The following RBM28 variants were observed in gnomAD, a reference collection of about 807,000 sequenced individuals.
The protein encoded by RBM28 is RNA-binding protein 28.
RBM28 carries 78 observed loss-of-function variants against 98.3 expected under a neutral mutation model. That is an observed-to-expected ratio of 0.79 (90% confidence interval 0.66 to 0.96). The LOEUF (loss-of-function observed/expected upper bound fraction) is 0.96, where lower values mean the gene tolerates loss of function less well. Ranked by LOEUF, RBM28 falls within the 40% of genes least tolerant of loss-of-function variation. RBM28 has a pLI of 0.00. For missense variants in RBM28, 838 were observed against 913.0 expected (o/e 0.92, Z 1.06); for synonymous variants, 306 against 330.9 (o/e 0.92, Z 0.82).
rs945609550 is a variant in RBM28 at position 128,299,983 on chromosome 7, C to T, written c.*10814G>A. ...AAGAAATTCCTCATGAAGGAACCAA[C>T]CTTGCCAACACTTTGATTTTAGACT... On this transcript the variant is annotated 3_prime_UTR_variant, in exon 19 of 19. Coordinates refer to ENST00000223073, the MANE Select transcript of RBM28 (RefSeq NM_018077.3). 5 of 152,252 alleles carry T rather than the reference C, an allele frequency of 3.3e-5. No individual in the cohort carries two copies. Among genetic ancestry groups the T allele is most frequent in the African/African-American group, 1.2e-4 (5 of 41,462 alleles). 9.4% of individuals were successfully genotyped at this position (152,252 alleles called of 1,614,324 possible). A position where few individuals can be genotyped will look rare whatever the true frequency, so the allele number is the denominator to read the frequency against.
rs773522098 is a variant in RBM28 at position 128,321,280 on chromosome 7, C to A, written c.1549G>T (p.Val517Leu). 3 of 1,614,190 alleles carry A rather than the reference C, an allele frequency of 1.9e-6. No individual in the cohort carries two copies. The highest frequency in any genetic ancestry group is 4.5e-5 in the East Asian group (2 of 44,890). Residue 517 changes from valine (V) to leucine (L), a missense_variant, in exon 14 of 19, where the codon GTG becomes TTG. By Grantham distance (32) the Val-to-Leu change is conservative. Transcript: ENST00000223073. ...CCACGTCTCACCTCCTTGATGCGCACCCCTTTCTCTCCACTAGTAGCACTC... is the reference window on the plus strand; with the variant it reads ...CCACGTCTCACCTCCTTGATGCGCAACCCTTTCTCTCCACTAGTAGCACTC... ...LLSATSGEKG[V>L]RIKECRVMRD...
Position 128,300,069 on chromosome 7 carries a change from ACT to A in RBM28, c.*10726_*10727del, listed in dbSNP as rs1795760503. ...TTGTTTAAGCCACCCAGCCTGTGGT[ACT>A]CTCTTACAGTAGCCCTCCTGACTAA... On this transcript the variant is annotated 3_prime_UTR_variant, in exon 19 of 19. Coordinates refer to ENST00000223073, the MANE Select transcript of RBM28 (RefSeq NM_018077.3). 1 of 152,218 alleles carries A rather than the reference ACT, an allele frequency of 6.6e-6. No homozygotes were observed. Among genetic ancestry groups the A allele is most frequent in the Admixed American group, 6.5e-5 (1 of 15,286 alleles). 9.4% of individuals were successfully genotyped at this position (152,218 alleles called of 1,614,324 possible). A position where few individuals can be genotyped will look rare whatever the true frequency, so the allele number is the denominator to read the frequency against.
intron 1 of RBM28, among the ~76,000 whole-genome samples, chr7:128,341,853 C>T (rs969587744): frequency 5.9e-5 from 9 of 152,190 alleles, no homozygotes; most frequent in Non-Finnish European, 1.0e-4. Flanking sequence ...CATATATGGA[C>T]GTACTCCTAT....
chr7:128,314,928 G>A lies in RBM28; in HGVS notation c.1881C>T (p.His627=), dbSNP rs1796074369. ...GGGGCACCTTGCTTTGTTCCTCTGT[G>A]TGGTGTTGAGCTGCCTTCTGTTGCT... is the stretch of plus-strand genomic sequence containing the variant. ...KDQQQKAAQH[H]TEEQSKVPPE... is the part of the protein sequence containing the mutation. Residue 627 remains histidine (H), a synonymous_variant, in exon 17 of 19, where the codon CAC becomes CAT. Coordinates refer to ENST00000223073, the MANE Select transcript of RBM28 (RefSeq NM_018077.3). 1 of 1,614,068 alleles carries A rather than the reference G, an allele frequency of 6.2e-7. No homozygotes were observed. The highest frequency in any genetic ancestry group is 1.7e-5 in the Admixed American group (1 of 60,006).
At chr7:128,335,440 T>C (rs1584659719) in intron 8 of RBM28, 103 bp downstream of exon 8, 1 of 1,381,260 alleles carries the variant, frequency 7.2e-7, no homozygotes, top group East Asian at 2.3e-5. Flanking sequence ...TAGAACACCT[T>C]AGAGTCCTAT....
intron 1 of RBM28, among the ~76,000 whole-genome samples, chr7:128,342,047 T>C (rs1796735812): frequency 1.3e-5 from 2 of 152,144 alleles, no homozygotes; most frequent in African/African-American, 4.8e-5. Context: ...TAGTCATAGC[T>C]ACTTGGGAGG....
chr7:128,331,038 A>G, intron 9 of RBM28, 110 bp from the exon 10 acceptor site: 1 of 776,158 alleles, frequency 1.3e-6, no homozygotes, highest in South Asian at 1.4e-5. Context: ...GTTCAGAAAT[A>G]GCACTAATAC....
chr7:128,325,542 T>C (rs1796330710), intron 11 of RBM28, among the ~76,000 whole-genome samples: 1 of 152,196 alleles, frequency 6.6e-6, no homozygotes, highest in Non-Finnish European at 1.5e-5. Context: ...GGATAGAGGC[T>C]GACACAGACA....
Position 128,304,675 on chromosome 7 carries a change from A to G in RBM28, c.*6122T>C, listed in dbSNP as rs952150497. 3 of 152,266 alleles carry G rather than the reference A, an allele frequency of 2.0e-5. No homozygotes were observed. Among genetic ancestry groups the G allele is most frequent in the African/African-American group, 7.2e-5 (3 of 41,440 alleles). 9.4% of individuals were successfully genotyped at this position (152,266 alleles called of 1,614,324 possible). A position where few individuals can be genotyped will look rare whatever the true frequency, so the allele number is the denominator to read the frequency against. On this transcript the variant is annotated 3_prime_UTR_variant, in exon 19 of 19. Transcript: ENST00000223073. ...ATAGGGCTGAGGGGCTCTGCCTCCAAGAGGTGTTCTTCGCTTTGTGGCATT... is the reference window on the plus strand; with the variant it reads ...ATAGGGCTGAGGGGCTCTGCCTCCAGGAGGTGTTCTTCGCTTTGTGGCATT...
At chr7:128,311,054 G>A (rs1795972794) in intron 18 of RBM28, 123 bp from the exon 19 acceptor site, 1 of 966,192 alleles carries the variant, frequency 1.0e-6, no homozygotes. Flanking sequence ...GAAAGGGGTA[G>A]GTTTCTAGAG....
At chr7:128,341,458 T>C (rs1796723066) in intron 1 of RBM28, among the ~76,000 whole-genome samples, 1 of 152,262 alleles carries the variant, frequency 6.6e-6, no homozygotes, top group African/African-American at 2.4e-5. Flanking sequence ...TTAGAGTCCC[T>C]GACAACCCTG....
In RBM28 at chr7:128,314,904, G is replaced by A; in HGVS notation, c.1905C>T (p.Pro635=). The A allele has an allele frequency of 6.2e-7, 1 of 1,613,964 alleles. No homozygotes were observed. Among genetic ancestry groups the A allele is most frequent in the East Asian group, 2.2e-5 (1 of 44,880 alleles). ...AGCCCGCCTTTCTCTTCTGCTCTGG[G>A]GGCACCTTGCTTTGTTCCTCTGTGT... ...QHHTEEQSKV[P]PEQKRKAGST... The change falls in exon 17 of 19, where the codon CCC becomes CCT. Residue 635 remains proline (P), a synonymous_variant. Coordinates refer to ENST00000223073, the MANE Select transcript of RBM28 (RefSeq NM_018077.3).
In RBM28 at chr7:128,323,667, T is replaced by A. The variant is rs1417916662; in HGVS notation, c.1340-76A>T. On this transcript the variant is annotated intron_variant, in intron 12 of 18. Transcript: ENST00000223073. ...AGCAACAAGAGGAATGTGATTTGAA[T>A]GATGCAAACTCTTTGTACAGGGCCC... 2.0e-6 allele frequency: 3 copies of A among 1,534,944 alleles called. No individual in the cohort carries two copies. The Admixed American group carries it at 5.0e-5, about 26-fold the overall frequency.
chr7:128,310,585 G>C lies in RBM28; in HGVS notation c.*212C>G. 1 of 603,596 alleles carries C rather than the reference G, an allele frequency of 1.7e-6. No homozygotes were observed. Among genetic ancestry groups the C allele is most frequent in the East Asian group, 2.8e-5 (1 of 36,106 alleles). 37.4% of individuals were successfully genotyped at this position (603,596 alleles called of 1,614,324 possible). A position where few individuals can be genotyped will look rare whatever the true frequency, so the allele number is the denominator to read the frequency against. On this transcript the variant is annotated 3_prime_UTR_variant, in exon 19 of 19. Transcript: ENST00000223073. ...GATAATATGCAAGAAGCATCATGTTGACTTTCAGATATTTCTCTTTGTGGC... is the reference window on the plus strand; with the variant it reads ...GATAATATGCAAGAAGCATCATGTTCACTTTCAGATATTTCTCTTTGTGGC...
chr7:128,339,417 T>C, intron 2 of RBM28, 96 bp from the exon 3 acceptor site: 1 of 1,214,556 alleles, frequency 8.2e-7, no homozygotes, highest in East Asian at 2.3e-5. Context: ...CAGATGGCAT[T>C]TACCACAGGG....
At chr7:128,340,041 T>TC (rs1475132883) in intron 1 of RBM28, among the ~76,000 whole-genome samples, 1 of 152,018 alleles carries the variant, frequency 6.6e-6, no homozygotes, top group East Asian at 1.9e-4. Flanking sequence ...TGCTGTTAGC[T>TC]CCCCTTCTTC....
intron 5 of RBM28, among the ~76,000 whole-genome samples, chr7:128,337,854 C>A (rs980451451): frequency 4.6e-5 from 7 of 152,180 alleles, no homozygotes; most frequent in African/African-American, 1.4e-4. Context: ...AGCCACCGCA[C>A]CTGGCCGGCA....
At chr7:128,319,840 A>G (rs769756005) in intron 14 of RBM28, among the ~76,000 whole-genome samples, 2 of 152,190 alleles carry the variant, frequency 1.3e-5, no homozygotes, top group Non-Finnish European at 2.9e-5. Context: ...TGGGAGGCCG[A>G]AGCAGGGGAA....
Position 128,308,244 on chromosome 7 carries a change from TGTTAA to T in RBM28, c.*2548_*2552del, listed in dbSNP as rs1421869454. 5 of 152,246 alleles carry T rather than the reference TGTTAA, an allele frequency of 3.3e-5. No individual in the cohort carries two copies. Among genetic ancestry groups the T allele is most frequent in the African/African-American group, 4.8e-5 (2 of 41,470 alleles). The allele number at this position is 152,246 out of a possible 1,614,324, so 9.4% of individuals were successfully genotyped here. A position where few individuals can be genotyped will look rare whatever the true frequency, so the allele number is the denominator to read the frequency against. On this transcript the variant is annotated 3_prime_UTR_variant, in exon 19 of 19. Transcript: ENST00000223073. ...GCAAGTGAATGAGGTTTTAACATAC[TGTTAA>T]GTTGTTAAAAGAAATATTTGGATCT...
Sources: gnomAD v4.1 joint callset for allele counts (sites outside exome capture counted in the v4.1 genomes callset) on GRCh38, gnomAD v4.1.1 for gene constraint, MANE v1.5 for transcripts, NCBI Gene and HGNC (gene_info 2026-07-23, HGNC 2026-07-21) for gene names.